The following ENKUR variants were observed in gnomAD, a reference collection of about 807,000 sequenced individuals.
The protein encoded by ENKUR is enkurin.
A neutral mutation model predicts 27.6 loss-of-function variants in ENKUR; 19 were observed. The ratio of observed to expected loss-of-function variants is 0.69; its 90% confidence interval spans 0.48 to 1.01. ENKUR has a LOEUF of 1.01. ENKUR is among the 50% of genes least tolerant of loss of function. The pLI is 0.00. For missense variants in ENKUR, 312 were observed against 310.5 expected, an observed-to-expected ratio of 1.00 and a Z score of -0.04; for synonymous variants, 117 against 96.9, an observed-to-expected ratio of 1.21 and a Z score of -1.22.
At chr10:25,008,320 G>A (rs950584893) in intron 1 of ENKUR, among the ~76,000 whole-genome samples, 1 of 152,134 alleles carries the variant, frequency 6.6e-6, no homozygotes, top group African/African-American at 2.4e-5. Context: ...TGTTTTCCTT[G>A]ATTAAATTCT....
chr10:25,017,934 T>C (rs1850640827), upstream of ENKUR, among the ~76,000 whole-genome samples: 1 of 152,202 alleles, frequency 6.6e-6, no homozygotes, highest in Non-Finnish European at 1.5e-5. Context: ...AGTCACTGGC[T>C]AAAGCTTATG....
At chr10:25,055,545 C>CAAAAAAAA (rs142864120) in intron 2 of ENKUR, among the ~76,000 whole-genome samples, 1 of 94,342 alleles carries the variant, frequency 1.1e-5, no homozygotes, top group Non-Finnish European at 2.1e-5. Context: ...AACAAATTGG[C>CAAAAAAAA]AAAAAAAAAA....
At chr10:25,053,441 A>C (rs1470468613) in intron 2 of ENKUR, among the ~76,000 whole-genome samples, 1 of 151,870 alleles carries the variant, frequency 6.6e-6, no homozygotes, top group Non-Finnish European at 1.5e-5. Context: ...ATATCTCCCC[A>C]TTTCCCCCAC....
intron 2 of ENKUR, chr10:25,025,559 CTA>C (rs1850833907): frequency 2.7e-6 from 3 of 1,124,906 alleles, no homozygotes; most frequent in African/African-American, 1.6e-5. Flanking sequence ...GTAAATATCT[CTA>C]TATCTGTTTG....
chr10:25,000,489 ACT>A (rs1245046585), intron 1 of ENKUR, among the ~76,000 whole-genome samples: 1 of 151,836 alleles, frequency 6.6e-6, no homozygotes, highest in African/African-American at 2.4e-5. Context: ...GTATTTTGAA[ACT>A]CTGTTTGTAG....
chr10:25,021,153 A>G (rs900560858), upstream of ENKUR, among the ~76,000 whole-genome samples: 1 of 152,204 alleles, frequency 6.6e-6, no homozygotes, highest in African/African-American at 2.4e-5. Flanking sequence ...ATTTGGGTTC[A>G]ATTTATATAT....
At chr10:25,047,846 A>T (rs1170088479) in intron 2 of ENKUR, among the ~76,000 whole-genome samples, 1 of 152,242 alleles carries the variant, frequency 6.6e-6, no homozygotes, top group Non-Finnish European at 1.5e-5. Flanking sequence ...TAAAATACAT[A>T]CATAGCATAA....
intron 2 of ENKUR, among the ~76,000 whole-genome samples, chr10:25,046,311 A>T (rs755292218): frequency 2.2e-4 from 33 of 152,370 alleles, no homozygotes; most frequent in Non-Finnish European, 4.1e-4. Context: ...GATTAAAAAA[A>T]GTTCACAACC....
At chr10:25,057,008 C>T (rs1564359348) in intron 2 of ENKUR, among the ~76,000 whole-genome samples, 1 of 152,166 alleles carries the variant, frequency 6.6e-6, no homozygotes, top group East Asian at 1.9e-4. Flanking sequence ...CTCTCCAGAT[C>T]AAAGTCGCTG....
At chr10:25,023,701 G>C in intron 2 of ENKUR, 1 of 1,613,934 alleles carries the variant, frequency 6.2e-7, no homozygotes, top group East Asian at 2.2e-5. Context: ...ACCTCTACTA[G>C]ATCTAATTTG....
chr10:25,027,355 C>A (rs11598430), intron 2 of ENKUR, among the ~76,000 whole-genome samples: 1 of 40,480 alleles, frequency 2.5e-5, no homozygotes, highest in Admixed American at 4.2e-4. Flanking sequence ...AGACTCCCGT[C>A]TCAAAAAAAA....
At chr10:25,042,312 T>C (rs1015099096) in intron 2 of ENKUR, among the ~76,000 whole-genome samples, 9 of 151,086 alleles carry the variant, frequency 6.0e-5, no homozygotes, top group African/African-American at 1.5e-4. Flanking sequence ...AAAAATCTTT[T>C]GAAAGATAGT....
At chr10:24,993,678 C>G (rs1398825942) in intron 3 of ENKUR, among the ~76,000 whole-genome samples, 1 of 152,186 alleles carries the variant, frequency 6.6e-6, no homozygotes, top group African/African-American at 2.4e-5. Context: ...GTAAGTCTTT[C>G]ATGAGCACTG....
Position 25,060,120 on chromosome 10 carries a change from C to T in ENKUR, c.37+992G>A, listed in dbSNP as rs113461774. ...CGGGGTGCTTAGGAAGCCTGTGAAG[C>T]CGACCTGTCTGTACGTCTGTACAAG... On this transcript the variant is annotated intron_variant, in intron 2 of 5. Coordinates refer to the ENKUR transcript ENST00000615958. 1.7e-3 allele frequency among the ~76,000 whole-genome samples: 258 copies of T among 152,224 alleles called. 1 individual carries two copies. Among genetic ancestry groups the T allele is most frequent in the African/African-American group, 5.3e-3 (222 of 41,522 alleles).
upstream of ENKUR, among the ~76,000 whole-genome samples, chr10:25,017,001 C>T (rs1850604793): frequency 1.3e-5 from 2 of 152,182 alleles, no homozygotes; most frequent in East Asian, 1.9e-4. Context: ...CCGCGGCCTC[C>T]TCCGCCTGCT....
At chr10:25,012,229 G>A (rs974003265) in intron 1 of ENKUR, among the ~76,000 whole-genome samples, 3 of 134,662 alleles carry the variant, frequency 2.2e-5, no homozygotes, top group Admixed American at 7.1e-5. Flanking sequence ...GATGTGCTTC[G>A]GGGCAGAGCC....
chr10:25,002,262 A>G (rs147065467), intron 1 of ENKUR, among the ~76,000 whole-genome samples: 201 of 152,292 alleles, frequency 1.3e-3, no homozygotes, highest in African/African-American at 4.2e-3. Context: ...TGGTTGTTTC[A>G]TTACATACAT....
chr10:25,031,815 T>A (rs1170241648), intron 2 of ENKUR, among the ~76,000 whole-genome samples: 19 of 141,036 alleles, frequency 1.3e-4, no homozygotes, highest in Middle Eastern at 3.6e-3. Context: ...TTTTTTTTTT[T>A]AAACTCTTTA....
chr10:25,024,414 T>TAA, intron 2 of ENKUR: 1 of 1,613,964 alleles, frequency 6.2e-7, no homozygotes, highest in Non-Finnish European at 8.5e-7. Flanking sequence ...ATAAGAATGA[T>TAA]AAGCAAAGGA....
Sources: gnomAD v4.1 joint callset for allele counts (sites outside exome capture counted in the v4.1 genomes callset) on GRCh38, gnomAD v4.1.1 for gene constraint, MANE v1.5 for transcripts, NCBI Gene and HGNC (gene_info 2026-07-23, HGNC 2026-07-21) for gene names.